AMMECR1L: variants seen among roughly 807,000 people sequenced by gnomAD.
AMMECR1L encodes AMMECR1 like.
A neutral mutation model predicts 36.8 loss-of-function variants in AMMECR1L; 4 were observed. That is an observed-to-expected ratio of 0.11 (90% CI 0.05 to 0.25). AMMECR1L has a LOEUF of 0.25. Ranked by LOEUF, AMMECR1L falls within the 10% of genes least tolerant of loss-of-function variation. The pLI is 1.00. For missense variants in AMMECR1L, 232 were observed against 392.1 expected (o/e 0.59, Z 3.45); for synonymous variants, 147 against 148.0 (o/e 0.99, Z 0.05).
At chr2:127,881,275 C>T (rs908058232) in intron 2 of AMMECR1L, among the ~76,000 whole-genome samples, 2 of 122,640 alleles carry the variant, frequency 1.6e-5, no homozygotes, top group African/African-American at 5.1e-5. Flanking sequence ...GGGATTAATA[C>T]AAACTATTTC....
chr2:127,873,138 T>C lies in AMMECR1L; in HGVS notation c.407+690A>G, dbSNP rs1691067109. The C allele has an allele frequency of 2.0e-6, 2 of 985,152 alleles. No individual in the cohort carries two copies. The highest frequency in any genetic ancestry group is 3.5e-5 in the African/African-American group (2 of 57,240). 61.0% of individuals were successfully genotyped at this position (985,152 alleles called of 1,614,324 possible). A position where few individuals can be genotyped will look rare whatever the true frequency, so the allele number is the denominator to read the frequency against. ...CAAAAGCATACCCCCAAAACAAAAA[T>C]AAAAAAACAGCAATGCTCTTCAAAG... On this transcript the variant is annotated intron_variant, in intron 3 of 7. Transcript: ENST00000272647. The surrounding 1 kb of genome is among the most constrained non-coding windows in gnomAD (Gnocchi z 5.2).
rs1299427511 is a variant in AMMECR1L, at chr2:127,869,985, C to T, written c.634-441G>A. 6.6e-6 allele frequency among the ~76,000 whole-genome samples: 1 copy of T among 152,176 alleles called. No individual in the cohort carries two copies. Among genetic ancestry groups the T allele is most frequent in the Non-Finnish European group, 1.5e-5 (1 of 68,034 alleles). On this transcript the variant is annotated intron_variant, in intron 5 of 7. Transcript: ENST00000272647. This position sits in a 1 kb window ranked among gnomAD's most constrained non-coding sequence, Gnocchi z 4.7. Reference sequence around the variant, plus strand: ...GGCCAAGGCCGTCAGGAGTTTGAGACCAGGCTGGCCAACATGGTGAAACCC... The same window carrying T: ...GGCCAAGGCCGTCAGGAGTTTGAGATCAGGCTGGCCAACATGGTGAAACCC...
At chr2:127,867,740 T>C (rs1029560826) in intron 6 of AMMECR1L, among the ~76,000 whole-genome samples, 3 of 151,594 alleles carry the variant, frequency 2.0e-5, no homozygotes, top group African/African-American at 7.3e-5. Flanking sequence ...GAGGAGACCC[T>C]GTCTTAAGGA....
intron 2 of AMMECR1L, among the ~76,000 whole-genome samples, chr2:127,875,814 A>G (rs1316351326): frequency 2.0e-5 from 3 of 150,782 alleles, no homozygotes; most frequent in African/African-American, 7.3e-5. Flanking sequence ...TTTCTTTAAG[A>G]GACAGGTCTC....
rs1690510021 is a variant in AMMECR1L, at chr2:127,862,517, A to AG, written c.*2576dup. On this transcript the variant is annotated 3_prime_UTR_variant, in exon 8 of 8. Transcript: ENST00000272647. ...GAGCCACCTGCTACACACTTTCATGAGGCGACCGTGACCGTACACTTCTAG... is the reference window on the plus strand; with the variant it reads ...GAGCCACCTGCTACACACTTTCATGAGGGCGACCGTGACCGTACACTTCTAG... 6.5e-6 allele frequency: 1 copy of AG among 153,604 alleles called. No homozygotes were observed. Among genetic ancestry groups the AG allele is most frequent in the Non-Finnish European group, 1.5e-5 (1 of 68,108 alleles). 9.5% of individuals were successfully genotyped at this position (153,604 alleles called of 1,614,324 possible).
In AMMECR1L at chr2:127,874,080, T is replaced by C. The variant is rs1435372816; in HGVS notation, c.155A>G (p.His52Arg). The C allele has an allele frequency of 6.2e-7, 1 of 1,614,048 alleles. No individual in the cohort carries two copies. The highest frequency in any genetic ancestry group is 2.2e-5 in the East Asian group (1 of 44,900). Residue 52 changes from histidine to arginine, a missense_variant, in exon 3 of 8, where the codon CAC (histidine) becomes CGC (arginine). By Grantham distance (29) the His-to-Arg change is conservative (BLOSUM62 0). This residue lies in a region of AMMECR1L where 109 missense variants were observed against 128.1 expected (regional missense o/e 0.85). Coordinates refer to ENST00000272647, the MANE Select transcript of AMMECR1L (RefSeq NM_001199140.2). This position sits in a 1 kb window ranked among gnomAD's most constrained non-coding sequence, Gnocchi z 5.2. ...PGSSSGPLQN[H>R]QHVDSSSGRE... ...TCCACTGCTGCTGTCCACATGCTGG[T>C]GGTTTTGAAGAGGTCCTGAACTAGA...
intron 6 of AMMECR1L, among the ~76,000 whole-genome samples, chr2:127,867,807 G>A (rs1009657950): frequency 6.6e-6 from 1 of 152,052 alleles, no homozygotes. Flanking sequence ...AAGGAAGGAA[G>A]GAAGGAAGGA....
chr2:127,882,334 G>C (rs1691539198), intron 2 of AMMECR1L, among the ~76,000 whole-genome samples: 1 of 152,184 alleles, frequency 6.6e-6, no homozygotes, highest in African/African-American at 2.4e-5. Context: ...TCACAGAAGG[G>C]AACAAGCTGT....
chr2:127,870,193 T>C (rs930226231), intron 5 of AMMECR1L, among the ~76,000 whole-genome samples: 1 of 150,960 alleles, frequency 6.6e-6, no homozygotes, highest in African/African-American at 2.4e-5. Context: ...CACGCGACTG[T>C]AGTCCCAGCT....
intron 5 of AMMECR1L, among the ~76,000 whole-genome samples, chr2:127,870,294 C>A (rs1690902435): frequency 6.9e-6 from 1 of 144,170 alleles, no homozygotes; most frequent in Non-Finnish European, 1.5e-5. Flanking sequence ...AGCCTGGCGA[C>A]AGAGCGAGAC....
In AMMECR1L at chr2:127,864,450, G is replaced by A. The variant is rs1348087698; in HGVS notation, c.*644C>T. 6.6e-6 allele frequency: 1 copy of A among 152,536 alleles called. No homozygotes were observed. Among genetic ancestry groups the A allele is most frequent in the East Asian group, 1.9e-4 (1 of 5,186 alleles). 9.4% of individuals were successfully genotyped at this position (152,536 alleles called of 1,614,324 possible). On this transcript the variant is annotated 3_prime_UTR_variant, in exon 8 of 8. Transcript: ENST00000272647. ...GTGGGATGAGGATGAAAATCTTCAC[G>A]GCCTACTGAGCAATGAGATCTGCAA...
intron 2 of AMMECR1L, among the ~76,000 whole-genome samples, chr2:127,883,991 C>G (rs1691640254): frequency 6.6e-6 from 1 of 152,146 alleles, no homozygotes; most frequent in Admixed American, 6.5e-5. Context: ...ACCTAGCTCA[C>G]TCTAATGGGA....
chr2:127,876,793 G>T (rs1327106267), intron 2 of AMMECR1L, among the ~76,000 whole-genome samples: 2 of 152,144 alleles, frequency 1.3e-5, no homozygotes, highest in Non-Finnish European at 2.9e-5. Flanking sequence ...CGAGGTGGGC[G>T]GATCACCTGA....
rs1357397825 is a variant in AMMECR1L, at chr2:127,862,986, T to C, written c.*2108A>G. ...GGCTTGAGGAGCATGGCACTGTAAATGCTTGCATGACCAGTCTCACTGAGC... is the reference window on the plus strand; with the variant it reads ...GGCTTGAGGAGCATGGCACTGTAAACGCTTGCATGACCAGTCTCACTGAGC... On this transcript the variant is annotated 3_prime_UTR_variant, in exon 8 of 8. Coordinates refer to ENST00000272647, the MANE Select transcript of AMMECR1L (RefSeq NM_001199140.2). 1 of 152,650 alleles carries C rather than the reference T, an allele frequency of 6.6e-6. No individual in the cohort carries two copies. The highest frequency in any genetic ancestry group is 1.5e-5 in the Non-Finnish European group (1 of 68,050). The allele number at this position is 152,650 out of a possible 1,614,324, so 9.5% of individuals were successfully genotyped here.
rs984313526 is a variant in AMMECR1L at position 127,874,914 on chromosome 2, A to T, written c.-38-642T>A. 1.3e-5 allele frequency among the ~76,000 whole-genome samples: 2 copies of T among 151,926 alleles called. No individual in the cohort carries two copies. Among genetic ancestry groups the T allele is most frequent in the Admixed American group, 6.6e-5 (1 of 15,260 alleles). On this transcript the variant is annotated intron_variant, in intron 2 of 7. Transcript: ENST00000272647. This position sits in a 1 kb window ranked among gnomAD's most constrained non-coding sequence, Gnocchi z 5.2. Reference sequence around the variant, plus strand: ...TTCTCTTTGGTTCCCCTCTGAACTCACTCCAATTTCTATACATCTCCCTAT... The same window carrying T: ...TTCTCTTTGGTTCCCCTCTGAACTCTCTCCAATTTCTATACATCTCCCTAT...
At position 127,869,358 on chromosome 2, in the gene AMMECR1L, A is replaced by G. The variant is rs995832107; in HGVS notation, c.724+96T>C. On this transcript the variant is annotated intron_variant, in intron 6 of 7. Coordinates refer to ENST00000272647, the MANE Select transcript of AMMECR1L (RefSeq NM_001199140.2). This position sits in a 1 kb window ranked among gnomAD's most constrained non-coding sequence, Gnocchi z 4.7. ...CAGAAAGGCCCTCATTCTCAGCTGC[A>G]GTTGGGCTGCAAGATGACACACTTC... is the stretch of plus-strand genomic sequence containing the variant. The G allele has an allele frequency of 8.6e-7, 1 of 1,166,954 alleles. No homozygotes were observed. Among genetic ancestry groups the G allele is most frequent in the Non-Finnish European group, 1.3e-6 (1 of 780,686 alleles). 72.3% of individuals were successfully genotyped at this position (1,166,954 alleles called of 1,614,324 possible).
At chr2:127,879,265 T>A (rs751786620) in intron 2 of AMMECR1L, among the ~76,000 whole-genome samples, 15 of 152,224 alleles carry the variant, frequency 9.9e-5, no homozygotes, top group Non-Finnish European at 1.6e-4. Flanking sequence ...GGATTTCTCA[T>A]GAATGATTTA....
In AMMECR1L at chr2:127,865,151, C is replaced by G; in HGVS notation, c.876G>C (p.Gln292His). 3 of 1,613,878 alleles carry G rather than the reference C, an allele frequency of 1.9e-6. No homozygotes were observed. Among genetic ancestry groups the G allele is most frequent in the Non-Finnish European group, 2.5e-6 (3 of 1,179,884 alleles). The change falls in exon 8 of 8, where the codon CAG (glutamine) becomes CAC (histidine). Residue 292 changes from glutamine to histidine, a missense_variant. By Grantham distance (24) the Gln-to-His change is conservative. This residue lies in a region of AMMECR1L where 40 missense variants were observed against 34.5 expected (regional missense o/e 1.16). Coordinates refer to ENST00000272647, the MANE Select transcript of AMMECR1L (RefSeq NM_001199140.2). This position sits in a 1 kb window ranked among gnomAD's most constrained non-coding sequence, Gnocchi z 5.4. The stretch of plus-strand genomic sequence containing the variant: ...GAAGAGTGCCGTTCTGGAAACAGTG[C>G]TGTCGGGAAGCAATATACTCTGCGT... ...ISYAEYIASR[Q>H]HCFQNGTLHA...
chr2:127,869,410 C>T lies in AMMECR1L; in HGVS notation c.724+44G>A, dbSNP rs1312930821. On this transcript the variant is annotated intron_variant, in intron 6 of 7. Transcript: ENST00000272647. The surrounding 1 kb of genome is among the most constrained non-coding windows in gnomAD (Gnocchi z 4.7). ...CTTTCTTGCCCTTTAACTGGCACCA[C>T]TGTGAATGATACTTGTCATTAAAAT... 6 of 1,552,260 alleles carry T rather than the reference C, an allele frequency of 3.9e-6. No individual in the cohort carries two copies. Among genetic ancestry groups the T allele is most frequent in the East Asian group, 2.2e-5 (1 of 44,536 alleles).
Sources: gnomAD v4.1 joint callset for allele counts (sites outside exome capture counted in the v4.1 genomes callset) on GRCh38, gnomAD v4.1.1 for gene constraint, gnomAD v4.1.1 regional missense constraint, Gnocchi (gnomAD v3.1) non-coding constraint, MANE v1.5 for transcripts, NCBI Gene and HGNC (gene_info 2026-07-23, HGNC 2026-07-21) for gene names.